The following GRM3 variants were observed in gnomAD, a reference collection of about 807,000 sequenced individuals.
GRM3 encodes the protein glutamate metabotropic receptor 3, also known as metabotropic glutamate receptor 3.
A neutral mutation model predicts 70.5 loss-of-function variants in GRM3; 26 were observed. The ratio of observed to expected loss-of-function variants is 0.37; its 90% CI spans 0.27 to 0.51. GRM3 has a LOEUF of 0.51. Among genes scored for constraint, GRM3 ranks in the 20% least tolerant of loss-of-function variants. The probability of loss-of-function intolerance (pLI) is 0.93; values close to 1 mark genes in which losing one functional copy is unlikely to be tolerated. For synonymous variants in GRM3, 443 were observed against 434.9 expected (o/e 1.02, Z -0.23); for missense variants, 859 against 1,123.8 (o/e 0.76, Z 3.37).
chr7:86,677,719 A>G (rs1006426870), intron 1 of GRM3, among the ~76,000 whole-genome samples: 1 of 152,066 alleles, frequency 6.6e-6, no homozygotes, highest in African/African-American at 2.4e-5. Flanking sequence ...CCAAATAAGT[A>G]TAATCTAGCA....
intron 1 of GRM3, among the ~76,000 whole-genome samples, chr7:86,668,400 A>C (rs975597207): frequency 3.9e-5 from 6 of 152,182 alleles, no homozygotes; most frequent in African/African-American, 1.4e-4. Context: ...TTCTTCTTTC[A>C]TTCACATTGG....
At chr7:86,858,483 A>G (rs1798893278) in intron 5 of GRM3, among the ~76,000 whole-genome samples, 1 of 152,110 alleles carries the variant, frequency 6.6e-6, no homozygotes, top group African/African-American at 2.4e-5. Flanking sequence ...AGAGGAAGAG[A>G]GACCTGAACT....
chr7:86,829,979 TTATATA>T (rs952042006), intron 3 of GRM3, among the ~76,000 whole-genome samples: 2 of 152,212 alleles, frequency 1.3e-5, no homozygotes, highest in Non-Finnish European at 2.9e-5. Flanking sequence ...TGAGCTATGC[TTATATA>T]TGTATATCCC....
intron 5 of GRM3, among the ~76,000 whole-genome samples, chr7:86,851,048 C>T (rs1301024167): frequency 6.6e-6 from 1 of 152,054 alleles, no homozygotes; most frequent in Non-Finnish European, 1.5e-5. Flanking sequence ...TTCCTAATTC[C>T]CCCTTGGAAG....
intron 1 of GRM3, among the ~76,000 whole-genome samples, chr7:86,756,813 A>C (rs1403271926): frequency 6.6e-6 from 1 of 152,104 alleles, no homozygotes; most frequent in African/African-American, 2.4e-5. Context: ...TCTCCTTCTG[A>C]AACATTAATT....
At chr7:86,682,368 C>A (rs1300031229) in intron 1 of GRM3, among the ~76,000 whole-genome samples, 1 of 152,042 alleles carries the variant, frequency 6.6e-6, no homozygotes, top group East Asian at 1.9e-4. Flanking sequence ...AATGCCACTG[C>A]AATACTAAAT....
chr7:86,846,785 TTC>T (rs1239443737), intron 4 of GRM3, among the ~76,000 whole-genome samples: 7 of 152,182 alleles, frequency 4.6e-5, no homozygotes, highest in Non-Finnish European at 7.3e-5. Context: ...CTTCCTCAAA[TTC>T]TGTTAATCAG....
chr7:86,838,891 T>C lies in GRM3; in HGVS notation c.1377T>C (p.Phe459=). ...DADSIVKFDT[F]GDGMGRYNVF... The stretch of plus-strand genomic sequence containing the variant: ...ATAGCATAGTCAAGTTTGACACTTT[T>C]GGAGATGGAATGGGGCGATACAACG... The change falls in exon 4 of 6, where the codon TTT becomes TTC. Residue 459 remains phenylalanine, a synonymous_variant. Transcript: ENST00000361669. 15 of 1,613,570 alleles carry C rather than the reference T, an allele frequency of 9.3e-6. No individual in the cohort carries two copies. The highest frequency in any genetic ancestry group is 1.3e-5 in the Non-Finnish European group (15 of 1,179,632).
chr7:86,824,479 G>T (rs776622696), intron 3 of GRM3, among the ~76,000 whole-genome samples: 19 of 152,120 alleles, frequency 1.2e-4, no homozygotes, highest in Admixed American at 6.5e-5. Flanking sequence ...GTTCCTGAGG[G>T]GGGTAACATA....
intron 3 of GRM3, among the ~76,000 whole-genome samples, chr7:86,801,231 C>T (rs1797675917): frequency 6.6e-6 from 1 of 151,934 alleles, no homozygotes; most frequent in Non-Finnish European, 1.5e-5. Context: ...CCGCCATGCC[C>T]AGCAAATTTT....
intron 1 of GRM3, among the ~76,000 whole-genome samples, chr7:86,646,749 A>C (rs1793483419): frequency 6.6e-6 from 1 of 152,124 alleles, no homozygotes; most frequent in Admixed American, 6.6e-5. Context: ...CTTTCTATTT[A>C]TTTAAATTGA....
chr7:86,802,243 C>A (rs1215258881), intron 3 of GRM3, among the ~76,000 whole-genome samples: 1 of 152,002 alleles, frequency 6.6e-6, no homozygotes, highest in African/African-American at 2.4e-5. Flanking sequence ...AGACCCAAGT[C>A]TATCTGTTTC....
Position 86,765,622 on chromosome 7 carries a change from G to A in GRM3, c.468+9G>A. 6.2e-7 allele frequency: 1 copy of A among 1,603,986 alleles called. No homozygotes were observed. Among genetic ancestry groups the A allele is most frequent in the Non-Finnish European group, 8.5e-7 (1 of 1,172,334 alleles). ...GCAGTGTTTCCATACAGGTAAGATTGGCTAATGCTATTGCTAAAAGGCTGT... is the reference window on the plus strand; with the variant it reads ...GCAGTGTTTCCATACAGGTAAGATTAGCTAATGCTATTGCTAAAAGGCTGT... On this transcript the variant is annotated intron_variant, in intron 2 of 5. Transcript: ENST00000361669.
At chr7:86,743,540 T>C (rs1273400949) in intron 1 of GRM3, among the ~76,000 whole-genome samples, 1 of 152,192 alleles carries the variant, frequency 6.6e-6, no homozygotes, top group East Asian at 1.9e-4. Context: ...GTCCTTATTC[T>C]GAGATTTAAT....
At chr7:86,655,621 C>G (rs1404809533) in intron 1 of GRM3, among the ~76,000 whole-genome samples, 1 of 150,946 alleles carries the variant, frequency 6.6e-6, no homozygotes, top group Non-Finnish European at 1.5e-5. Context: ...CCAGCAGGAG[C>G]CTCTTTCAAG....
At chr7:86,813,048 T>C (rs1189784249) in intron 3 of GRM3, among the ~76,000 whole-genome samples, 1 of 151,798 alleles carries the variant, frequency 6.6e-6, no homozygotes, top group Admixed American at 6.6e-5. Flanking sequence ...GTGCCCCTCA[T>C]TATCATCAGA....
intron 2 of GRM3, among the ~76,000 whole-genome samples, chr7:86,767,250 G>C (rs948389664): frequency 1.3e-5 from 2 of 151,586 alleles, no homozygotes; most frequent in African/African-American, 4.8e-5. Flanking sequence ...TATATAGATA[G>C]ATACATAAAA....
intron 1 of GRM3, among the ~76,000 whole-genome samples, chr7:86,736,733 C>G (rs943195707): frequency 2.6e-5 from 4 of 152,160 alleles, no homozygotes; most frequent in African/African-American, 4.8e-5. Flanking sequence ...TCATATCCCA[C>G]TGGTAGAATC....
At chr7:86,849,723 T>A (rs1254371851) in intron 4 of GRM3, among the ~76,000 whole-genome samples, 1 of 152,174 alleles carries the variant, frequency 6.6e-6, no homozygotes, top group Non-Finnish European at 1.5e-5. Flanking sequence ...GAAAATTACC[T>A]GTCAAGAATG....
Sources: allele counts gnomAD v4.1 joint callset (sites outside exome capture counted in the v4.1 genomes callset), GRCh38; gene constraint gnomAD v4.1.1; transcripts MANE v1.5; gene names NCBI Gene and HGNC (gene_info 2026-07-23, HGNC 2026-07-21).